Variants in AHI1 observed in about 807,000 individuals in gnomAD.
AHI1 encodes Abelson helper integration site 1, also known as jouberin.
AHI1 carries 123 observed loss-of-function variants against 149.3 expected under a neutral mutation model. The ratio of observed to expected loss-of-function variants is 0.82; its 90% CI spans 0.71 to 0.96. The LOEUF (loss-of-function observed/expected upper bound fraction) is 0.96, where lower values mean the gene tolerates loss of function less well. Among genes scored for constraint, AHI1 ranks in the 40% least tolerant of loss-of-function variants. The pLI is 0.00. For missense variants in AHI1, 1,439 were observed against 1,422.7 expected, an observed-to-expected ratio of 1.01 and a Z score of -0.18; for synonymous variants, 475 against 459.8, an observed-to-expected ratio of 1.03 and a Z score of -0.42.
intron 23 of AHI1, among the ~76,000 whole-genome samples, chr6:135,378,683 T>C (rs553719853): frequency 4.6e-5 from 7 of 152,262 alleles, no homozygotes; most frequent in African/African-American, 1.7e-4. Flanking sequence ...TAACAATAGA[T>C]TAACATAGAT....
intron 7 of AHI1, among the ~76,000 whole-genome samples, chr6:135,464,019 T>C (rs2128094265): frequency 6.6e-6 from 1 of 152,280 alleles, no homozygotes; most frequent in South Asian, 2.1e-4. Context: ...AGGCTATTAC[T>C]AAAATTAAAA....
intron 24 of AHI1, among the ~76,000 whole-genome samples, chr6:135,337,516 T>C (rs1404968786): frequency 6.6e-6 from 1 of 151,848 alleles, no homozygotes; most frequent in Admixed American, 6.6e-5. Flanking sequence ...CTCAGCACTT[T>C]GGGAGGTCAA....
intron 10 of AHI1, among the ~76,000 whole-genome samples, chr6:135,454,176 A>G (rs1227887556): frequency 2.0e-5 from 3 of 152,094 alleles, no homozygotes; most frequent in Non-Finnish European, 4.4e-5. Context: ...CAAAGTAAAA[A>G]CAACTTGTAA....
chr6:135,482,930 C>T (rs1156821756), intron 5 of AHI1, among the ~76,000 whole-genome samples: 1 of 56,806 alleles, frequency 1.8e-5, no homozygotes, highest in Non-Finnish European at 2.9e-5. Flanking sequence ...CTCACTCTGT[C>T]ACCTGAGCTG....
chr6:135,471,803 G>A (rs1162312968), intron 5 of AHI1, among the ~76,000 whole-genome samples: 3 of 151,718 alleles, frequency 2.0e-5, no homozygotes, highest in South Asian at 4.2e-4. Context: ...ATGAGGTCAG[G>A]AGATCGAGAC....
intron 24 of AHI1, among the ~76,000 whole-genome samples, chr6:135,338,927 C>CTT (rs143028763): frequency 1.5e-4 from 21 of 140,950 alleles, no homozygotes; most frequent in African/African-American, 3.9e-4. Context: ...CTCATCTTTC[C>CTT]TTTTTTTTTT....
Position 135,366,380 on chromosome 6 carries a change from T to G in AHI1, c.3110-8193A>C, listed in dbSNP as rs1459741746. On this transcript the variant is annotated intron_variant, in intron 23 of 28. Transcript: ENST00000265602. ...GGATTGGTAACAATTCTTCTTTGAA[T>G]GTCTGATAGAATTCAGCTGTGAATC... Among the ~76,000 whole-genome samples, 3 of 152,338 alleles carry G rather than the reference T, an allele frequency of 2.0e-5. No homozygotes were observed. The East Asian group carries it at 5.8e-4, about 29-fold the overall frequency.
intron 23 of AHI1, among the ~76,000 whole-genome samples, chr6:135,384,235 G>GAAGT (rs758387155): frequency 9.2e-5 from 14 of 152,162 alleles, no homozygotes; most frequent in Non-Finnish European, 1.3e-4. Flanking sequence ...AATTTAGTGG[G>GAAGT]AAGTTAGATA....
chr6:135,341,496 T>C (rs1790363201), intron 24 of AHI1, among the ~76,000 whole-genome samples: 1 of 152,032 alleles, frequency 6.6e-6, no homozygotes. Context: ...AATAGATGTC[T>C]ATAGGATGCT....
chr6:135,486,492 T>C (rs1441775942), intron 5 of AHI1, among the ~76,000 whole-genome samples: 2 of 152,218 alleles, frequency 1.3e-5, no homozygotes, highest in Non-Finnish European at 2.9e-5. Context: ...CATCTTAATA[T>C]TGACTGATAT....
intron 27 of AHI1, among the ~76,000 whole-genome samples, chr6:135,297,837 T>C (rs958527542): frequency 6.6e-6 from 1 of 152,152 alleles, no homozygotes; most frequent in Non-Finnish European, 1.5e-5. Context: ...GGAATGGTTA[T>C]TATAAAGATG....
Position 135,427,177 on chromosome 6 carries a change from G to A in AHI1, c.2754C>T (p.Tyr918=), listed in dbSNP as rs371949853. 3.8e-5 allele frequency: 61 copies of A among 1,609,332 alleles called. No individual in the cohort carries two copies. The highest frequency in any genetic ancestry group is 4.5e-5 in the Non-Finnish European group (53 of 1,177,066). ...GQNEPILLYI[Y]DFHVAQQEAE... is the part of the protein sequence containing the mutation. ...AAGTGGTAGACTTACCATGGAAATC[G>A]TAAATATACAGAAGAATTGGCTCAT... Residue 918 remains tyrosine, a synonymous_variant, in exon 20 of 29, where the codon TAC becomes TAT. Transcript: ENST00000265602.
intron 2 of AHI1, among the ~76,000 whole-genome samples, 194 bp downstream of exon 2, chr6:135,496,994 A>C (rs1465673825): frequency 6.6e-6 from 1 of 152,190 alleles, no homozygotes; most frequent in African/African-American, 2.4e-5. Context: ...CAGGTGAAAA[A>C]ATCGTTGGCA....
chr6:135,436,711 C>T (rs1785450306), intron 15 of AHI1, among the ~76,000 whole-genome samples: 5 of 152,184 alleles, frequency 3.3e-5, no homozygotes, highest in Admixed American at 3.3e-4. Context: ...AAGTGATTCT[C>T]TTGCCTCAGC....
In AHI1 at chr6:135,463,207, G is replaced by A. The variant is rs1008991447; in HGVS notation, c.849C>T (p.Ser283=). 2 of 1,608,866 alleles carry A rather than the reference G, an allele frequency of 1.2e-6. No individual in the cohort carries two copies. The highest frequency in any genetic ancestry group is 2.2e-5 in the South Asian group (2 of 90,738). Residue 283 remains serine, a synonymous_variant, in exon 8 of 29, where the codon AGC becomes AGT. Transcript: ENST00000265602. ...SSDSHQDDEI[S]SMEQSTEDSM... Reference sequence around the variant, plus strand: ...TGTCTTCTGTGCTTTGTTCCATTGAGCTTATTTCATCATCTTGATGAGAAT... The same window carrying A: ...TGTCTTCTGTGCTTTGTTCCATTGAACTTATTTCATCATCTTGATGAGAAT...
chr6:135,331,798 T>C (rs770290432), intron 24 of AHI1, among the ~76,000 whole-genome samples: 33 of 152,228 alleles, frequency 2.2e-4, no homozygotes, highest in Middle Eastern at 3.2e-3. Flanking sequence ...TCTGTGCCAG[T>C]CTAATAAGGC....
chr6:135,349,468 GC>G (rs1791749562), intron 24 of AHI1, among the ~76,000 whole-genome samples: 2 of 152,290 alleles, frequency 1.3e-5, no homozygotes, highest in South Asian at 4.1e-4. Context: ...ACATCCCACT[GC>G]TTAGCATTGT....
At chr6:135,395,044 A>G (rs922472450) in intron 22 of AHI1, 148 bp from the exon 23 acceptor site, 1 of 751,374 alleles carries the variant, frequency 1.3e-6, no homozygotes, top group Non-Finnish European at 2.1e-6. Context: ...TAGTTTGTAA[A>G]CTTTACAAAA....
chr6:135,323,749 TG>T (rs1787231054), intron 24 of AHI1, among the ~76,000 whole-genome samples: 1 of 152,204 alleles, frequency 6.6e-6, no homozygotes, highest in Non-Finnish European at 1.5e-5. Flanking sequence ...AAAAACTCAA[TG>T]GAACAATCTG....
Sources: gnomAD v4.1 joint callset for allele counts (sites outside exome capture counted in the v4.1 genomes callset) on GRCh38, gnomAD v4.1.1 for gene constraint, MANE v1.5 for transcripts, NCBI Gene and HGNC (gene_info 2026-07-23, HGNC 2026-07-21) for gene names.